Variants in TRDN observed in about 807,000 individuals in gnomAD.
TRDN encodes the protein triadin.
In TRDN, 161 loss-of-function variants were observed where a neutral mutation model predicts 149.7. The ratio of observed to expected loss-of-function variants is 1.08; its 90% CI spans 0.95 to 1.23. The LOEUF (loss-of-function observed/expected upper bound fraction) is 1.23, where lower values mean the gene tolerates loss of function less well. TRDN is among the 50% of genes most tolerant of loss of function. The pLI is 0.00. For synonymous variants in TRDN, 294 were observed against 250.5 expected (o/e 1.17, Z -1.64); for missense variants, 896 against 823.5 (o/e 1.09, Z -1.08).
At chr6:123,286,330 G>A (rs1303909850) in intron 24 of TRDN, among the ~76,000 whole-genome samples, 1 of 151,940 alleles carries the variant, frequency 6.6e-6, no homozygotes, top group African/African-American at 2.4e-5. Flanking sequence ...CGGGCATGGT[G>A]GAATACTACT....
intron 1 of TRDN, among the ~76,000 whole-genome samples, chr6:123,599,961 T>C (rs1359230547): frequency 6.6e-6 from 1 of 151,952 alleles, no homozygotes; most frequent in Non-Finnish European, 1.5e-5. Context: ...ATTGGCATAT[T>C]ATATTGCAAT....
At chr6:123,522,141 C>A (rs1222443066) in intron 5 of TRDN, among the ~76,000 whole-genome samples, 1 of 152,142 alleles carries the variant, frequency 6.6e-6, no homozygotes, top group Non-Finnish European at 1.5e-5. Flanking sequence ...AAGTAAACTT[C>A]TCCATTTCTG....
At chr6:123,276,809 A>G (rs912089404) in intron 26 of TRDN, among the ~76,000 whole-genome samples, 15 of 152,162 alleles carry the variant, frequency 9.9e-5, no homozygotes, top group Admixed American at 7.2e-4. Context: ...TGGACAAAAA[A>G]GGGACAGAGA....
At chr6:123,481,700 GTCA>G (rs1777758204) in intron 9 of TRDN, among the ~76,000 whole-genome samples, 1 of 152,034 alleles carries the variant, frequency 6.6e-6, no homozygotes, top group South Asian at 2.1e-4. Context: ...TCCTCATGTT[GTCA>G]TCGTGATCAT....
At chr6:123,324,421 C>T (rs914153717) in intron 23 of TRDN, among the ~76,000 whole-genome samples, 2 of 151,878 alleles carry the variant, frequency 1.3e-5, no homozygotes, top group African/African-American at 2.4e-5. Flanking sequence ...TTGAGGCCAG[C>T]CTGAGCAACA....
chr6:123,229,394 A>G (rs1775511156), intron 38 of TRDN, among the ~76,000 whole-genome samples: 1 of 152,030 alleles, frequency 6.6e-6, no homozygotes, highest in African/African-American at 2.4e-5. Flanking sequence ...TAACTGAAGG[A>G]CTTTCTCCTT....
At chr6:123,539,801 A>T (rs988395641) in intron 4 of TRDN, among the ~76,000 whole-genome samples, 4 of 152,216 alleles carry the variant, frequency 2.6e-5, no homozygotes, top group Non-Finnish European at 5.9e-5. Context: ...TTATTCATTT[A>T]TCTTTGACTG....
chr6:123,364,296 TC>T (rs1357044649), intron 20 of TRDN, among the ~76,000 whole-genome samples: 1 of 152,204 alleles, frequency 6.6e-6, no homozygotes, highest in Non-Finnish European at 1.5e-5. Flanking sequence ...CTTAACTGTG[TC>T]TCAAGACTGT....
chr6:123,352,473 T>A, intron 21 of TRDN, 66 bp downstream of exon 21: 1 of 1,594,382 alleles, frequency 6.3e-7, no homozygotes, highest in East Asian at 2.2e-5. Context: ...CTGAATCCAG[T>A]GCTTTCCTCC....
At chr6:123,457,962 T>A (rs1776230107) in intron 10 of TRDN, among the ~76,000 whole-genome samples, 2 of 152,128 alleles carry the variant, frequency 1.3e-5, no homozygotes, top group Admixed American at 6.5e-5. Flanking sequence ...CTAGTAAATA[T>A]CATCTGGCAG....
intron 37 of TRDN, 67 bp from the exon 38 acceptor site, chr6:123,252,502 G>A: frequency 1.2e-6 from 1 of 839,590 alleles, no homozygotes; most frequent in Non-Finnish European, 1.8e-6. Context: ...TAAATCAGTG[G>A]ACTTTATAAA....
At chr6:123,397,611 C>T (rs1263024004) in intron 12 of TRDN, among the ~76,000 whole-genome samples, 1 of 152,096 alleles carries the variant, frequency 6.6e-6, no homozygotes, top group Admixed American at 6.5e-5. Context: ...ATCTATTTCA[C>T]TTTTAAGATG....
intron 23 of TRDN, among the ~76,000 whole-genome samples, chr6:123,330,011 G>A (rs1291569720): frequency 6.6e-6 from 1 of 151,944 alleles, no homozygotes; most frequent in African/African-American, 2.4e-5. Flanking sequence ...TATCTCTAAC[G>A]ATGAAATGGC....
chr6:123,250,598 C>A (rs1159581751), intron 38 of TRDN, among the ~76,000 whole-genome samples: 1 of 151,890 alleles, frequency 6.6e-6, no homozygotes, highest in Admixed American at 6.6e-5. Flanking sequence ...CAGAAAACCA[C>A]CTTATTAAAC....
At chr6:123,547,396 C>A in intron 3 of TRDN, 24 bp from the exon 4 acceptor site, 1 of 1,364,826 alleles carries the variant, frequency 7.3e-7, no homozygotes, top group East Asian at 2.7e-5. Context: ...AAAAGAAAAA[C>A]AAAGTTAGAA....
rs1245383600 is a variant in TRDN, at chr6:123,438,059, A to G, written c.1051+4T>C. The G allele has an allele frequency of 1.3e-6, 2 of 1,596,858 alleles. No individual in the cohort carries two copies. The highest frequency in any genetic ancestry group is 4.5e-5 in the East Asian group (2 of 44,466). On this transcript the variant is annotated splice_donor_region_variant and intron_variant, in intron 12 of 40. Coordinates refer to ENST00000334268, the MANE Select transcript of TRDN (RefSeq NM_006073.4). ...CATCTAAGGAAACAAAGAAAGTGCA[A>G]TACCTTTTTTTTCCACATCAATGGC...
intron 9 of TRDN, among the ~76,000 whole-genome samples, chr6:123,480,028 G>T (rs1014297190): frequency 6.6e-6 from 1 of 151,876 alleles, no homozygotes; most frequent in Non-Finnish European, 1.5e-5. Flanking sequence ...TTTTTTCAAT[G>T]TCAAAAATAT....
intron 1 of TRDN, among the ~76,000 whole-genome samples, chr6:123,594,169 A>C (rs914384540): frequency 1.3e-5 from 2 of 152,198 alleles, no homozygotes; most frequent in Non-Finnish European, 2.9e-5. Flanking sequence ...CAGAATTCAG[A>C]GTAACTACAA....
In TRDN at chr6:123,586,708, GA is replaced by G. The variant is rs550964859; in HGVS notation, c.23-15577del. 5.3e-4 allele frequency among the ~76,000 whole-genome samples: 81 copies of G among 152,126 alleles called. No individual in the cohort carries two copies. In the South Asian group the frequency reaches 0.011, roughly 21 times the overall value. ...AGTTGAAGAGGTTTTAAGTTCTTAA[GA>G]ACACAGACTAAGGGAGAAGAAGGAG... On this transcript the variant is annotated intron_variant, in intron 1 of 40. Transcript: ENST00000334268.
Sources: gnomAD v4.1 joint callset for allele counts (sites outside exome capture counted in the v4.1 genomes callset) on GRCh38, gnomAD v4.1.1 for gene constraint, MANE v1.5 for transcripts, NCBI Gene and HGNC (gene_info 2026-07-23, HGNC 2026-07-21) for gene names.